ESR1: variants seen among roughly 807,000 people sequenced by gnomAD.
The protein encoded by ESR1 is estrogen receptor 1, also known as estrogen receptor.
A neutral mutation model predicts 52.7 loss-of-function variants in ESR1; 12 were observed. That is an observed-to-expected ratio of 0.23 (90% CI 0.15 to 0.37). The LOEUF is 0.37. Among genes scored for constraint, ESR1 ranks in the 10% least tolerant of loss-of-function variants. ESR1 has a pLI of 1.00. For missense variants in ESR1, 584 were observed against 779.7 expected (o/e 0.75, Z 2.99); for synonymous variants, 305 against 316.8 (o/e 0.96, Z 0.39).
In ESR1 at chr6:152,077,049, T is replaced by C. The variant is rs186272492; in HGVS notation, c.1369+15925T>C. On this transcript the variant is annotated intron_variant, in intron 6 of 7. Transcript: ENST00000206249. ...ATGGGGAAAATGTCTCCAGAGCATG[T>C]CATAGGTCTTCATGGCAGCCCCTCC... Among the ~76,000 whole-genome samples, 26 of 152,244 alleles carry C rather than the reference T, an allele frequency of 1.7e-4. No homozygotes were observed. In the East Asian group the frequency reaches 4.3e-3, roughly 25 times the overall value.
intron 1 of ESR1, among the ~76,000 whole-genome samples, chr6:151,682,334 A>G (rs1778493075): frequency 6.6e-6 from 1 of 152,102 alleles, no homozygotes. Flanking sequence ...CTCCTGTAGG[A>G]AGTTTTTTTT....
chr6:151,662,831 G>C (rs1022989036), intron 1 of ESR1, among the ~76,000 whole-genome samples: 1 of 152,152 alleles, frequency 6.6e-6, no homozygotes, highest in Non-Finnish European at 1.5e-5. Context: ...GAAGAATTTT[G>C]TTTATAAGAA....
intron 4 of ESR1, among the ~76,000 whole-genome samples, chr6:151,954,569 G>C (rs145824350): frequency 2.0e-5 from 3 of 152,156 alleles, no homozygotes; most frequent in Admixed American, 1.3e-4. Flanking sequence ...GGGCAGTTCC[G>C]TCTCTGGAGA....
At chr6:151,712,247 C>T (rs767573239) in intron 2 of ESR1, among the ~76,000 whole-genome samples, 2 of 152,068 alleles carry the variant, frequency 1.3e-5, no homozygotes, top group African/African-American at 4.8e-5. Flanking sequence ...GTTACCGTAG[C>T]CTTGTAGTAT....
At chr6:151,670,371 T>C (rs559463544) in intron 1 of ESR1, among the ~76,000 whole-genome samples, 3 of 152,312 alleles carry the variant, frequency 2.0e-5, no homozygotes, top group Admixed American at 2.0e-4. Flanking sequence ...CACTTGGTGA[T>C]TCCTTGTTTA....
In ESR1 at chr6:151,753,923, C is replaced by T. The variant is rs545308749; in HGVS notation, c.-71+51918C>T. 3.3e-5 allele frequency among the ~76,000 whole-genome samples: 5 copies of T among 152,278 alleles called. No homozygotes were observed. In the East Asian group the frequency reaches 9.6e-4, roughly 29 times the overall value. ...ATTATGTTCTGTGGGTGACATCAGC[C>T]TGCTACTGCGGGAAGAAATAGAATT... On this transcript the variant is annotated intron_variant, in intron 2 of 2. Coordinates refer to the ESR1 transcript ENST00000404742.
intron 5 of ESR1, among the ~76,000 whole-genome samples, chr6:152,031,667 A>G (rs1417921838): frequency 3.3e-5 from 5 of 152,182 alleles, no homozygotes; most frequent in Non-Finnish European, 7.3e-5. Flanking sequence ...AATCAAAAAA[A>G]AGTCCAGGAC....
chr6:152,119,861 A>G (rs1433155962), intron 6 of ESR1, among the ~76,000 whole-genome samples: 2 of 152,198 alleles, frequency 1.3e-5, no homozygotes, highest in African/African-American at 4.8e-5. Flanking sequence ...AAATTGGCCA[A>G]TCAATCATCT....
intron 2 of ESR1, among the ~76,000 whole-genome samples, chr6:151,703,934 G>A (rs984991098): frequency 2.6e-5 from 4 of 152,150 alleles, no homozygotes; most frequent in South Asian, 2.1e-4. Flanking sequence ...ACGCTATTGC[G>A]CATCTGCCTG....
chr6:151,874,546 C>G (rs1791497662), intron 2 of ESR1, among the ~76,000 whole-genome samples: 1 of 152,122 alleles, frequency 6.6e-6, no homozygotes, highest in Non-Finnish European at 1.5e-5. Context: ...ATTATTGGGA[C>G]AAATTGATCT....
At chr6:152,107,739 C>G (rs376057563), downstream of ESR1, among the ~76,000 whole-genome samples, 25 of 152,286 alleles carry the variant, frequency 1.6e-4, no homozygotes, top group African/African-American at 6.0e-4. Context: ...TTCTTCCCTG[C>G]TTGTTGCTAC....
chr6:151,718,068 A>C (rs1453753445), intron 2 of ESR1, among the ~76,000 whole-genome samples: 1 of 152,236 alleles, frequency 6.6e-6, no homozygotes, highest in Admixed American at 6.5e-5. Context: ...TGATGAATGA[A>C]TGAATAAGTG....
intron 1 of ESR1, among the ~76,000 whole-genome samples, chr6:151,697,952 G>A: frequency 6.6e-6 from 1 of 151,994 alleles, no homozygotes; most frequent in Non-Finnish European, 1.5e-5. Context: ...TAAAAAATTA[G>A]CCCCGTGTGG....
At position 152,098,501 on chromosome 6, in the gene ESR1, G is replaced by A. The variant is rs186199097; in HGVS notation, c.1554-231G>A. Among the ~76,000 whole-genome samples the A allele has an allele frequency of 2.6e-5, 4 of 152,090 alleles. No homozygotes were observed. The highest frequency in any genetic ancestry group is 4.8e-5 in the African/African-American group (2 of 41,492). On this transcript the variant is annotated intron_variant, in intron 7 of 7. Coordinates refer to ENST00000206249, the MANE Select transcript of ESR1 (RefSeq NM_000125.4). This position sits in a 1 kb window ranked among gnomAD's most constrained non-coding sequence, Gnocchi z 5.1. ...GCAGGGAGAGTGTGAGGGTGGGACC[G>A]CCCTGGTAGGAGGTGGAAAATGAAA...
chr6:152,007,429 T>C (rs1191499054), intron 4 of ESR1, among the ~76,000 whole-genome samples: 2 of 152,030 alleles, frequency 1.3e-5, no homozygotes, highest in East Asian at 3.9e-4. Flanking sequence ...AGGGGTGAAT[T>C]GTGCCATGAA....
At chr6:151,995,067 G>A (rs1463656150) in intron 4 of ESR1, among the ~76,000 whole-genome samples, 1 of 152,078 alleles carries the variant, frequency 6.6e-6, no homozygotes, top group African/African-American at 2.4e-5. Flanking sequence ...TACAAGGAGG[G>A]TGAGACCATG....
intron 2 of ESR1, among the ~76,000 whole-genome samples, chr6:151,781,025 C>G (rs1456159371): frequency 2.0e-5 from 3 of 152,118 alleles, no homozygotes; most frequent in Non-Finnish European, 4.4e-5. Context: ...TTTTCTTTTG[C>G]TTTCAAACTA....
chr6:151,741,512 A>G (rs1409699157), intron 2 of ESR1, among the ~76,000 whole-genome samples: 1 of 152,222 alleles, frequency 6.6e-6, no homozygotes, highest in African/African-American at 2.4e-5. Context: ...TTTCAAGTGC[A>G]GAAAAATTGC....
chr6:151,839,407 G>A (rs1369389373), intron 1 of ESR1, among the ~76,000 whole-genome samples: 2 of 152,132 alleles, frequency 1.3e-5, no homozygotes, highest in African/African-American at 4.8e-5. Flanking sequence ...ATGTAAAATG[G>A]TGCAGCCACT....
Sources: allele counts gnomAD v4.1 joint callset (sites outside exome capture counted in the v4.1 genomes callset), GRCh38; gene constraint gnomAD v4.1.1; non-coding constraint Gnocchi (gnomAD v3.1); transcripts MANE v1.5; gene names NCBI Gene and HGNC (gene_info 2026-07-23, HGNC 2026-07-21).